Variants in DTNA observed in about 807,000 individuals in gnomAD.
The protein encoded by DTNA is dystrophin-related protein 3.
DTNA carries 43 observed loss-of-function variants against 100.7 expected under a neutral mutation model. The ratio of observed to expected loss-of-function variants is 0.43; its 90% CI spans 0.33 to 0.55. The LOEUF (loss-of-function observed/expected upper bound fraction) is 0.55, where lower values mean the gene tolerates loss of function less well. Ranked by LOEUF, DTNA falls within the 20% of genes least tolerant of loss-of-function variation. DTNA has a pLI of 0.04. For missense variants in DTNA, 798 were observed against 953.9 expected (o/e 0.84, Z 2.15); for synonymous variants, 349 against 347.9 (o/e 1.00, Z -0.04).
At chr18:34,538,438 C>T (rs898710569) in intron 1 of DTNA, among the ~76,000 whole-genome samples, 1 of 151,978 alleles carries the variant, frequency 6.6e-6, no homozygotes, top group Non-Finnish European at 1.5e-5. Context: ...GAACTAAGAG[C>T]AACTTTTACC....
At chr18:34,849,136 G>A (rs528552332) in intron 14 of DTNA, among the ~76,000 whole-genome samples, 7 of 152,324 alleles carry the variant, frequency 4.6e-5, no homozygotes, top group African/African-American at 1.7e-4. Flanking sequence ...CAGGCTAAAA[G>A]TGTACTGTGT....
chr18:34,880,996 T>G (rs1396504498), intron 20 of DTNA, among the ~76,000 whole-genome samples: 1 of 152,200 alleles, frequency 6.6e-6, no homozygotes, highest in Non-Finnish European at 1.5e-5. Flanking sequence ...TCCAAGACTA[T>G]TGAGGCCACC....
chr18:34,640,471 G>A (rs2059151036), intron 1 of DTNA, among the ~76,000 whole-genome samples: 1 of 152,154 alleles, frequency 6.6e-6, no homozygotes, highest in Non-Finnish European at 1.5e-5. Flanking sequence ...GAACTGCATT[G>A]TCAGCAAAAA....
At chr18:34,716,858 T>C (rs1355272499) in intron 1 of DTNA, among the ~76,000 whole-genome samples, 1 of 152,168 alleles carries the variant, frequency 6.6e-6, no homozygotes, top group African/African-American at 2.4e-5. Flanking sequence ...AAATAAGAAG[T>C]CTCATATCAA....
chr18:34,767,130 G>T (rs1482830774), intron 3 of DTNA, among the ~76,000 whole-genome samples: 1 of 151,912 alleles, frequency 6.6e-6, no homozygotes, highest in African/African-American at 2.4e-5. Flanking sequence ...ATTAATATTG[G>T]ATGAATTTTT....
In DTNA at chr18:34,609,177, CTTTCTTTA is replaced by C. The variant is rs1275741235; in HGVS notation, c.-2+115666_-2+115673del. 1.4e-3 allele frequency among the ~76,000 whole-genome samples: 220 copies of C among 151,962 alleles called. 1 individual carries two copies. The highest frequency in any genetic ancestry group is 4.9e-3 in the African/African-American group (203 of 41,428). ...TTATCACTCAAGACAAGCTTGTAAG[CTTTCTTTA>C]TTGTACAAGATAAACTATATAATCT... On this transcript the variant is annotated intron_variant, in intron 1 of 19. Coordinates refer to the DTNA transcript ENST00000283365.
At chr18:34,542,932 C>G (rs974389328) in intron 1 of DTNA, among the ~76,000 whole-genome samples, 2 of 151,850 alleles carry the variant, frequency 1.3e-5, no homozygotes, top group Non-Finnish European at 2.9e-5. Flanking sequence ...ATTTCTACAT[C>G]ATACTAATGA....
intron 1 of DTNA, among the ~76,000 whole-genome samples, chr18:34,563,964 CGT>C (rs1189488881): frequency 2.0e-5 from 3 of 149,234 alleles, no homozygotes; most frequent in African/African-American, 7.6e-5. Context: ...CAGTTGCTTT[CGT>C]ATGTGTGTGT....
chr18:34,573,713 C>A (rs1158926049), intron 1 of DTNA, among the ~76,000 whole-genome samples: 1 of 152,140 alleles, frequency 6.6e-6, no homozygotes, highest in African/African-American at 2.4e-5. Context: ...GTGGTGAGAA[C>A]ACTTAAAATC....
intron 1 of DTNA, among the ~76,000 whole-genome samples, chr18:34,569,223 G>A (rs1325326987): frequency 6.6e-6 from 1 of 152,138 alleles, no homozygotes; most frequent in Non-Finnish European, 1.5e-5. Flanking sequence ...GAAGGCTTGA[G>A]TGAATCGTAA....
intron 1 of DTNA, among the ~76,000 whole-genome samples, chr18:34,642,836 C>T (rs1311106740): frequency 6.6e-6 from 1 of 152,094 alleles, no homozygotes; most frequent in Non-Finnish European, 1.5e-5. Context: ...GGATTACAGG[C>T]GTGAGCCACC....
Position 34,853,823 on chromosome 18 carries a change from G to A in DTNA, c.1532+1895G>A, listed in dbSNP as rs555935010. On this transcript the variant is annotated intron_variant, in intron 15 of 22. Coordinates refer to ENST00000444659, the MANE Select transcript of DTNA (RefSeq NM_001386795.1). ...ATTTGTTCAGGATACTCACAAGTCT[G>A]TAAAATTACCTATTCTATTTTATGT... is the stretch of plus-strand genomic sequence containing the variant. Among the ~76,000 whole-genome samples the A allele has an allele frequency of 1.4e-4, 21 of 152,238 alleles. No homozygotes were observed. In the South Asian group the frequency reaches 4.1e-3, roughly 30 times the overall value.
At chr18:34,525,860 C>T (rs567949730) in intron 1 of DTNA, among the ~76,000 whole-genome samples, 10 of 152,288 alleles carry the variant, frequency 6.6e-5, no homozygotes, top group African/African-American at 2.4e-4. Flanking sequence ...TCTGTCTTCT[C>T]ATTCATGTAT....
At chr18:34,801,641 G>C (rs1422390191) in intron 4 of DTNA, among the ~76,000 whole-genome samples, 2 of 151,524 alleles carry the variant, frequency 1.3e-5, no homozygotes, top group Non-Finnish European at 2.9e-5. Flanking sequence ...CTCCGAAGTA[G>C]CTGGGACTAC....
intron 1 of DTNA, among the ~76,000 whole-genome samples, chr18:34,595,559 A>G (rs1197052996): frequency 2.0e-5 from 3 of 152,184 alleles, no homozygotes; most frequent in African/African-American, 4.8e-5. Context: ...ATTCTTTTGA[A>G]CATCCTAAGT....
chr18:34,723,383 G>A (rs1178172945), intron 1 of DTNA, among the ~76,000 whole-genome samples: 2 of 152,066 alleles, frequency 1.3e-5, no homozygotes, highest in Non-Finnish European at 2.9e-5. Context: ...TGTGGAGAAG[G>A]AGTATATATT....
chr18:34,884,707 T>C (rs1382094740), intron 21 of DTNA, 21 bp from the exon 22 acceptor site: 1 of 1,613,996 alleles, frequency 6.2e-7, no homozygotes, highest in African/African-American at 1.3e-5. Flanking sequence ...CTTTCTCGTT[T>C]GTGTCCTTTG....
rs144306976 is a variant in DTNA, at chr18:34,591,544, A to G, written c.-2+98030A>G. Among the ~76,000 whole-genome samples the G allele has an allele frequency of 4.0e-3, 611 of 152,274 alleles. 2 individuals are homozygous for G. The highest frequency in any genetic ancestry group is 0.034 in the Middle Eastern group (10 of 294). On this transcript the variant is annotated intron_variant, in intron 1 of 19. Coordinates refer to the DTNA transcript ENST00000283365. ...CACGTCTGTCCACCCTTCTTAGTTC[A>G]TTTGTGTTTTGGCACCATCCATTAG...
intron 2 of DTNA, among the ~76,000 whole-genome samples, chr18:34,764,564 C>T (rs149713630): frequency 6.6e-6 from 1 of 152,240 alleles, no homozygotes; most frequent in Non-Finnish European, 1.5e-5. Context: ...TAAGAGTGAC[C>T]GTTTAATGAT....
Sources: allele counts gnomAD v4.1 joint callset (sites outside exome capture counted in the v4.1 genomes callset), GRCh38; gene constraint gnomAD v4.1.1; transcripts MANE v1.5; gene names NCBI Gene and HGNC (gene_info 2026-07-23, HGNC 2026-07-21).